The following ZNF8 variants were observed in gnomAD, a reference collection of about 807,000 sequenced individuals.
ZNF8 encodes the protein zinc finger protein 8.
ZNF8 carries 9 observed loss-of-function variants against 12.2 expected under a neutral mutation model. The observed-to-expected ratio is 0.73, with a 90% confidence interval of 0.44 to 1.28. The LOEUF is 1.28. Among genes scored for constraint, ZNF8 ranks in the 50% most tolerant of loss-of-function variants. The pLI, the probability that ZNF8 is intolerant of heterozygous loss-of-function variation, is 0.00. For missense variants in ZNF8, 664 were observed against 729.1 expected (o/e 0.91, Z 1.03); for synonymous variants, 274 against 282.3 (o/e 0.97, Z 0.30).
At chr19:58,289,607 A>C (rs542053594) in intron 3 of ZNF8, among the ~76,000 whole-genome samples, 2 of 151,784 alleles carry the variant, frequency 1.3e-5, no homozygotes, top group African/African-American at 4.8e-5. Flanking sequence ...GAGAGAATGC[A>C]TTTCTGTCTT....
At chr19:58,279,239 G>T in intron 1 of ZNF8, 92 bp downstream of exon 1, 1 of 1,535,222 alleles carries the variant, frequency 6.5e-7, no homozygotes, top group South Asian at 1.2e-5. Flanking sequence ...GATGAGAGCG[G>T]CACCGCTGTT....
rs778159438 is a variant in ZNF8, at chr19:58,286,163, C to A, written c.247C>A (p.Leu83Ile). Residue 83 changes from leucine (L) to isoleucine (I), a missense_variant, in exon 3 of 4, where the codon CTA (leucine) becomes ATA (isoleucine). Transcript: ENST00000621650. Reference sequence around the variant, plus strand: ...CTCCCAGCTGGAGCAAGGGACCGAGCTATGGGTGGCTGAGAGAGGAACCAC... The same window carrying A: ...CTCCCAGCTGGAGCAAGGGACCGAGATATGGGTGGCTGAGAGAGGAACCAC... Reference protein sequence around the residue: ...VISQLEQGTELWVAERGTTQG... With the variant: ...VISQLEQGTEIWVAERGTTQG... 2 of 1,614,038 alleles carry A rather than the reference C, an allele frequency of 1.2e-6. No homozygotes were observed. The highest frequency in any genetic ancestry group is 3.3e-5 in the Admixed American group (2 of 59,998).
rs1276426872 is a variant in ZNF8 at position 58,302,299 on chromosome 19, A to G, written c.*6763A>G. 2 of 152,234 alleles carry G rather than the reference A, an allele frequency of 1.3e-5. No individual in the cohort carries two copies. 9.4% of individuals were successfully genotyped at this position (152,234 alleles called of 1,614,324 possible). A position where few individuals can be genotyped will look rare whatever the true frequency, so the allele number is the denominator to read the frequency against. ...TGGAAAATGCATAAAAGTAAAAAAAAAATGAAAACTTGTGTAAAATTCCTC... is the reference window on the plus strand; with the variant it reads ...TGGAAAATGCATAAAAGTAAAAAAAGAATGAAAACTTGTGTAAAATTCCTC... On this transcript the variant is annotated 3_prime_UTR_variant, in exon 4 of 4. Transcript: ENST00000621650.
At chr19:58,288,858 C>T (rs1364820327) in intron 3 of ZNF8, among the ~76,000 whole-genome samples, 7 of 152,314 alleles carry the variant, frequency 4.6e-5, no homozygotes, top group East Asian at 3.9e-4. Context: ...CCCCTTTCAT[C>T]GGTTGTCACT....
In ZNF8 at chr19:58,301,340, G is replaced by A. The variant is rs2051490638; in HGVS notation, c.*5804G>A. On this transcript the variant is annotated 3_prime_UTR_variant, in exon 4 of 4. Coordinates refer to ENST00000621650, the MANE Select transcript of ZNF8 (RefSeq NM_021089.3). ...GTTGATTTTGCCATGTAAACATTTCGGATTTGCTTACTTCATCCCCACTGC... is the reference window on the plus strand; with the variant it reads ...GTTGATTTTGCCATGTAAACATTTCAGATTTGCTTACTTCATCCCCACTGC... 6.6e-6 allele frequency: 1 copy of A among 152,160 alleles called. No individual in the cohort carries two copies. The highest frequency in any genetic ancestry group is 1.5e-5 in the Non-Finnish European group (1 of 68,072). 9.4% of individuals were successfully genotyped at this position (152,160 alleles called of 1,614,324 possible). A position where few individuals can be genotyped will look rare whatever the true frequency, so the allele number is the denominator to read the frequency against.
In ZNF8 at chr19:58,294,039, C is replaced by T; in HGVS notation, c.290-59C>T. 6.7e-7 allele frequency: 1 copy of T among 1,487,756 alleles called. No homozygotes were observed. Among genetic ancestry groups the T allele is most frequent in the Admixed American group, 2.0e-5 (1 of 50,072 alleles). The allele number at this position is 1,487,756 out of a possible 1,614,324, so 92.2% of individuals were successfully genotyped here. A position where few individuals can be genotyped will look rare whatever the true frequency, so the allele number is the denominator to read the frequency against. On this transcript the variant is annotated intron_variant, in intron 3 of 3. Transcript: ENST00000621650. The surrounding 1 kb of genome is among the most constrained non-coding windows in gnomAD (Gnocchi z 5.5). Reference sequence around the variant, plus strand: ...AATATCAGGCCTATGGTGTTGGAGGCCTGTCCCCCTTCCGTTTTTTTCTCC... The same window carrying T: ...AATATCAGGCCTATGGTGTTGGAGGTCTGTCCCCCTTCCGTTTTTTTCTCC...
chr19:58,294,815 C>A lies in ZNF8; in HGVS notation c.1007C>A (p.Thr336Asn). 3.1e-6 allele frequency: 5 copies of A among 1,614,206 alleles called. No individual in the cohort carries two copies. The highest frequency in any genetic ancestry group is 4.2e-6 in the Non-Finnish European group (5 of 1,180,034). Residue 336 changes from threonine (T) to asparagine (N), a missense_variant, in exon 4 of 4, where the codon ACT (threonine) becomes AAT (asparagine). Thr to Asn is a moderately conservative substitution (Grantham distance 65). Coordinates refer to ENST00000621650, the MANE Select transcript of ZNF8 (RefSeq NM_021089.3). This position sits in a 1 kb window ranked among gnomAD's most constrained non-coding sequence, Gnocchi z 5.5. ...CTTACCGTCCATCGGAGGATTCACACTGGGGAGAAGCCCTATGAGTGTCAG... is the reference window on the plus strand; with the variant it reads ...CTTACCGTCCATCGGAGGATTCACAATGGGGAGAAGCCCTATGAGTGTCAG... ...THLTVHRRIHTGEKPYECQDC... is the reference protein window; with the variant it reads ...THLTVHRRIHNGEKPYECQDC...
intron 3 of ZNF8, 121 bp from the exon 4 acceptor site, chr19:58,293,975 CAG>C (rs1266821359): frequency 2.4e-6 from 2 of 847,972 alleles, no homozygotes; most frequent in East Asian, 2.5e-5. Flanking sequence ...AGAGGAGAAT[CAG>C]GGGACTTGCC....
chr19:58,279,040 T>G lies in ZNF8; in HGVS notation c.-42T>G, dbSNP rs1245107604. 7.2e-7 allele frequency: 1 copy of G among 1,394,530 alleles called. No homozygotes were observed. Among genetic ancestry groups the G allele is most frequent in the African/African-American group, 1.5e-5 (1 of 67,612 alleles). The allele number at this position is 1,394,530 out of a possible 1,614,324, so 86.4% of individuals were successfully genotyped here. ...CTTTGGCTGGAGTGCCTCTCTGGTCTGGGGATCACCTCAGGCGCTGTCCTT... is the reference window on the plus strand; with the variant it reads ...CTTTGGCTGGAGTGCCTCTCTGGTCGGGGGATCACCTCAGGCGCTGTCCTT... On this transcript the variant is annotated 5_prime_UTR_variant, in exon 1 of 4. Coordinates refer to ENST00000621650, the MANE Select transcript of ZNF8 (RefSeq NM_021089.3).
At chr19:58,293,950 C>T (rs922641931) in intron 3 of ZNF8, 148 bp from the exon 4 acceptor site, 5 of 694,578 alleles carry the variant, frequency 7.2e-6, no homozygotes, top group Non-Finnish European at 1.2e-5. Flanking sequence ...TCTGAGGGCA[C>T]TTGATGTTAA....
At chr19:58,284,985 G>A (rs957569611) in intron 1 of ZNF8, among the ~76,000 whole-genome samples, 1 of 152,120 alleles carries the variant, frequency 6.6e-6, no homozygotes, top group Admixed American at 6.6e-5. Flanking sequence ...TTCAGACAGG[G>A]TCCATGCTCC....
intron 2 of ZNF8, 94 bp downstream of exon 2, chr19:58,285,937 C>T: frequency 1.3e-6 from 2 of 1,510,690 alleles, no homozygotes; most frequent in Admixed American, 2.0e-5. Flanking sequence ...GGTCCTCACT[C>T]CCTATGGGGA....
Position 58,278,987 on chromosome 19 carries a change from G to A in ZNF8, c.-95G>A. 3 of 1,333,746 alleles carry A rather than the reference G, an allele frequency of 2.2e-6. No individual in the cohort carries two copies. The highest frequency in any genetic ancestry group is 2.9e-6 in the Non-Finnish European group (3 of 1,030,128). 82.6% of individuals were successfully genotyped at this position (1,333,746 alleles called of 1,614,324 possible). On this transcript the variant is annotated 5_prime_UTR_variant, in exon 1 of 4. Coordinates refer to ENST00000621650, the MANE Select transcript of ZNF8 (RefSeq NM_021089.3). ...CCGCGTCGCCGGTGCGGCCGCCATTGTCCGGCGTTCGGCGAGTCGGGTGGT... is the reference window on the plus strand; with the variant it reads ...CCGCGTCGCCGGTGCGGCCGCCATTATCCGGCGTTCGGCGAGTCGGGTGGT...
chr19:58,282,892 T>C (rs1242099523), intron 1 of ZNF8, among the ~76,000 whole-genome samples: 1 of 152,190 alleles, frequency 6.6e-6, no homozygotes, highest in African/African-American at 2.4e-5. Context: ...CCTCCCAAAG[T>C]GCTGGGATTA....
At chr19:58,287,535 C>T (rs1226401634) in intron 3 of ZNF8, among the ~76,000 whole-genome samples, 1 of 147,490 alleles carries the variant, frequency 6.8e-6, no homozygotes, top group Non-Finnish European at 1.5e-5. Context: ...GACACAGTTG[C>T]ACTGTGTTGC....
rs924267808 is a variant in ZNF8, at chr19:58,296,531, A to C, written c.*995A>C. On this transcript the variant is annotated 3_prime_UTR_variant, in exon 4 of 4. Transcript: ENST00000621650. ...TGCCTTAGTCCCCCGAGTAGCTGGG[A>C]TTACACGCACCTGCCACCACGCCCA... 3.9e-5 allele frequency: 6 copies of C among 152,242 alleles called. No homozygotes were observed. Among genetic ancestry groups the C allele is most frequent in the African/African-American group, 1.2e-4 (5 of 41,526 alleles). 9.4% of individuals were successfully genotyped at this position (152,242 alleles called of 1,614,324 possible).
rs138720737 is a variant in ZNF8 at position 58,291,188 on chromosome 19, C to T, written c.290-2910C>T. On this transcript the variant is annotated intron_variant, in intron 3 of 3. Coordinates refer to ENST00000621650, the MANE Select transcript of ZNF8 (RefSeq NM_021089.3). ...ATCATTCCTTACTGGTTCCCTCTTGCGGTTGCTCAGCTTCACCTGCTGCAG... is the reference window on the plus strand; with the variant it reads ...ATCATTCCTTACTGGTTCCCTCTTGTGGTTGCTCAGCTTCACCTGCTGCAG... Among the ~76,000 whole-genome samples, 15 of 152,310 alleles carry T rather than the reference C, an allele frequency of 9.8e-5. No homozygotes were observed. The East Asian group carries it at 1.7e-3, about 18-fold the overall frequency.
At chr19:58,288,977 C>T (rs2147957601) in intron 3 of ZNF8, among the ~76,000 whole-genome samples, 1 of 152,196 alleles carries the variant, frequency 6.6e-6, no homozygotes, top group Non-Finnish European at 1.5e-5. Flanking sequence ...AAAACGTGTG[C>T]CCATAAATAC....
At chr19:58,292,258 G>A (rs1236357093) in intron 3 of ZNF8, among the ~76,000 whole-genome samples, 1 of 152,108 alleles carries the variant, frequency 6.6e-6, no homozygotes, top group Non-Finnish European at 1.5e-5. Context: ...ACCACCGCCT[G>A]GGTGTCTTGT....
Sources: gnomAD v4.1 joint callset for allele counts (sites outside exome capture counted in the v4.1 genomes callset) on GRCh38, gnomAD v4.1.1 for gene constraint, Gnocchi (gnomAD v3.1) non-coding constraint, MANE v1.5 for transcripts, NCBI Gene and HGNC (gene_info 2026-07-23, HGNC 2026-07-21) for gene names.